Variants in MRO observed in about 807,000 individuals in gnomAD.
MRO encodes maestro.
In MRO, 28 loss-of-function variants were observed where a neutral mutation model predicts 31.0. The observed-to-expected ratio is 0.90, with a 90% CI of 0.67 to 1.24. The LOEUF (loss-of-function observed/expected upper bound fraction) is 1.24, where lower values mean the gene tolerates loss of function less well. Ranked by LOEUF, MRO falls within the 50% of genes most tolerant of loss-of-function variation. MRO has a pLI of 0.00. For missense variants in MRO, 332 were observed against 289.2 expected, an observed-to-expected ratio of 1.15 and a Z score of -1.07; for synonymous variants, 108 against 108.4, an observed-to-expected ratio of 1.00 and a Z score of 0.02.
Position 50,805,280 on chromosome 18 carries a change from A to AG in MRO, c.302dup (p.Val102CysfsTer8), listed in dbSNP as rs1453108984. 1.9e-6 allele frequency: 3 copies of AG among 1,614,116 alleles called. No individual in the cohort carries two copies. The Middle Eastern group carries it at 5.0e-4, about 266-fold the overall frequency. ...TCTCATGGATGACTTCCAAATTCAC[A>AG]GGGTCATACAGTCCATACACCAGCA... is the stretch of plus-strand genomic sequence containing the variant. On this transcript the variant is annotated frameshift_variant, in exon 5 of 8. Coordinates refer to ENST00000398439, the MANE Select transcript of MRO (RefSeq NM_031939.6). LOFTEE classifies it high-confidence loss of function.
chr18:50,799,489 A>C, intron 7 of MRO, 99 bp from the exon 8 acceptor site: 2 of 1,018,816 alleles, frequency 2.0e-6, no homozygotes, highest in South Asian at 2.6e-5. Context: ...CATGTGGATA[A>C]GCAGGAGAGG....
intron 2 of MRO, among the ~76,000 whole-genome samples, chr18:50,810,073 C>T (rs749499771): frequency 2.0e-5 from 3 of 152,294 alleles, no homozygotes; most frequent in Non-Finnish European, 4.4e-5. Flanking sequence ...TTAAGCAGTC[C>T]CCCTGCCTCA....
At chr18:50,814,807 T>C in intron 2 of MRO, 2 of 152,912 alleles carry the variant, frequency 1.3e-5, no homozygotes, top group Non-Finnish European at 2.9e-5. Context: ...CGCGTGTAAT[T>C]TCAGCACTTT....
chr18:50,806,084 T>C (rs1913892373), intron 4 of MRO, among the ~76,000 whole-genome samples: 1 of 151,934 alleles, frequency 6.6e-6, no homozygotes, highest in Non-Finnish European at 1.5e-5. Flanking sequence ...CCACCATGCC[T>C]GGGCAATTTT....
chr18:50,813,491 C>A (rs1440425523), intron 2 of MRO, among the ~76,000 whole-genome samples: 1 of 152,350 alleles, frequency 6.6e-6, no homozygotes, highest in Middle Eastern at 3.4e-3. Context: ...CATTCCCAGG[C>A]CTAGGCCCCA....
chr18:50,801,622 A>C, intron 5 of MRO, 118 bp from the exon 6 acceptor site: 2 of 959,742 alleles, frequency 2.1e-6, no homozygotes, highest in Non-Finnish European at 3.1e-6. Context: ...AGAACACATC[A>C]CAGCCATCGA....
intron 2 of MRO, among the ~76,000 whole-genome samples, chr18:50,817,198 C>G (rs1411394576): frequency 6.6e-6 from 1 of 152,162 alleles, no homozygotes; most frequent in African/African-American, 2.4e-5. Context: ...ACCCTACCTC[C>G]CCATCACAAG....
rs1912872065 is a variant in MRO at position 50,797,302 on chromosome 18, T to C, written c.*2035A>G. On this transcript the variant is annotated 3_prime_UTR_variant, in exon 8 of 8. Coordinates refer to ENST00000398439, the MANE Select transcript of MRO (RefSeq NM_031939.6). ...CTCAGGCACTCTCATTTGTTCCTGGTAGTTCAACTCCTTATGTGGCAGCTG... is the reference window on the plus strand; with the variant it reads ...CTCAGGCACTCTCATTTGTTCCTGGCAGTTCAACTCCTTATGTGGCAGCTG... The C allele has an allele frequency of 6.6e-6, 1 of 152,244 alleles. No individual in the cohort carries two copies. The highest frequency in any genetic ancestry group is 2.4e-5 in the African/African-American group (1 of 41,432). The allele number at this position is 152,244 out of a possible 1,614,324, so 9.4% of individuals were successfully genotyped here.
At chr18:50,801,913 A>G (rs1224011172) in intron 5 of MRO, among the ~76,000 whole-genome samples, 2 of 152,210 alleles carry the variant, frequency 1.3e-5, no homozygotes, top group Non-Finnish European at 2.9e-5. Context: ...CCTCTCCATC[A>G]GCCACCAAAT....
intron 2 of MRO, chr18:50,814,472 G>T: frequency 5.7e-6 from 1 of 173,928 alleles, no homozygotes; most frequent in African/African-American, 2.4e-5. Flanking sequence ...GCCCGTTTAA[G>T]AGACCATTTT....
In MRO at chr18:50,819,987, TTC is replaced by T; in HGVS notation, c.-219_-218del. 1 of 1,549,892 alleles carries T rather than the reference TTC, an allele frequency of 6.5e-7. No homozygotes were observed. The highest frequency in any genetic ancestry group is 8.7e-7 in the Non-Finnish European group (1 of 1,145,814). ...CCCTCATGCCAGCCTGGTCGACACT[TTC>T]TGCAGAAATTCTGCAGATGGCAATT... On this transcript the variant is annotated 5_prime_UTR_variant, in exon 1 of 8. Coordinates refer to ENST00000398439, the MANE Select transcript of MRO (RefSeq NM_031939.6).
upstream of MRO, among the ~76,000 whole-genome samples, chr18:50,824,290 A>G (rs546422655): frequency 3.9e-5 from 6 of 151,998 alleles, no homozygotes; most frequent in Non-Finnish European, 8.8e-5. Flanking sequence ...CAAAAAATTT[A>G]ATTACCCAGG....
At chr18:50,819,550 T>A in intron 2 of MRO, 31 bp downstream of exon 2, 1 of 1,550,818 alleles carries the variant, frequency 6.4e-7, no homozygotes, top group Non-Finnish European at 8.7e-7. Flanking sequence ...TCCCGCTGCA[T>A]CTGGCTGCCC....
At chr18:50,805,961 A>C (rs1913876471) in intron 4 of MRO, among the ~76,000 whole-genome samples, 2 of 148,668 alleles carry the variant, frequency 1.3e-5, no homozygotes, top group South Asian at 2.1e-4. Context: ...ATAAGACTCT[A>C]TCTTTTTTTT....
At chr18:50,821,407 A>T (rs17663385), upstream of MRO, among the ~76,000 whole-genome samples, 1 of 152,204 alleles carries the variant, frequency 6.6e-6, no homozygotes, top group Non-Finnish European at 1.5e-5. Context: ...AATTAGCTTT[A>T]ATCTTTTCAG....
At chr18:50,806,896 C>T in intron 3 of MRO, 46 bp from the exon 4 acceptor site, 1 of 1,582,892 alleles carries the variant, frequency 6.3e-7, no homozygotes, top group Non-Finnish European at 8.6e-7. Context: ...TGTTCAGAGT[C>T]ATACCAATCC....
intron 2 of MRO, chr18:50,815,685 C>G: frequency 2.4e-6 from 1 of 409,648 alleles, no homozygotes; most frequent in Non-Finnish European, 4.8e-6. Context: ...CTGTGGTGAC[C>G]GTTATGGATC....
At chr18:50,799,944 G>T (rs886450609) in intron 7 of MRO, 92 bp downstream of exon 7, 2 of 862,512 alleles carry the variant, frequency 2.3e-6, no homozygotes, top group Non-Finnish European at 3.8e-6. Flanking sequence ...ATTTTAAGGG[G>T]GTAACTCTTT....
At chr18:50,819,822 T>A (rs903630240) in intron 1 of MRO, 75 bp downstream of exon 1, 2 of 1,539,040 alleles carry the variant, frequency 1.3e-6, no homozygotes, top group Non-Finnish European at 1.8e-6. Context: ...TATAGAGTAT[T>A]TGGGCAGGGG....
Sources: gnomAD v4.1 joint callset for allele counts (sites outside exome capture counted in the v4.1 genomes callset) on GRCh38, gnomAD v4.1.1 for gene constraint, MANE v1.5 for transcripts, NCBI Gene and HGNC (gene_info 2026-07-23, HGNC 2026-07-21) for gene names.